The following KRT39 variants were observed in gnomAD, a reference collection of about 807,000 sequenced individuals.
The protein encoded by KRT39 is keratin, type I cytoskeletal 39.
A neutral mutation model predicts 54.8 loss-of-function variants in KRT39; 47 were observed. That is an observed-to-expected ratio of 0.86 (90% confidence interval 0.68 to 1.09). KRT39 has a LOEUF of 1.09. Among genes scored for constraint, KRT39 ranks in the 50% least tolerant of loss-of-function variants. The probability of loss-of-function intolerance (pLI) is 0.00; values close to 1 mark genes in which losing one functional copy is unlikely to be tolerated. For missense variants in KRT39, 580 were observed against 598.5 expected (o/e 0.97, Z 0.32); for synonymous variants, 207 against 227.9 (o/e 0.91, Z 0.83).
chr17:40,962,402 C>A lies in KRT39; in HGVS notation c.870G>T (p.Gln290His), dbSNP rs868415451. The A allele has an allele frequency of 6.2e-7, 1 of 1,614,024 alleles. No homozygotes were observed. Among genetic ancestry groups the A allele is most frequent in the Non-Finnish European group, 8.5e-7 (1 of 1,179,936 alleles). ...RKDVEQWFNT[Q>H]IEELNQQVVT... ...TTTTTGACTTTTCTATATCCCCCAC[C>A]TGCGTGTTGAACCACTGTTCCACAT... is the stretch of plus-strand genomic sequence containing the variant. The change falls in exon 4 of 7, where the codon CAG (glutamine) becomes CAT (histidine). Residue 290 changes from glutamine to histidine, a missense_variant and splice_region_variant. Physicochemically the swap from Gln to His is conservative, Grantham distance 24. Transcript: ENST00000355612.
chr17:40,962,144 G>C lies in KRT39; in HGVS notation c.996+18C>G, dbSNP rs1175822070. The C allele has an allele frequency of 6.2e-7, 1 of 1,613,010 alleles. No homozygotes were observed. The highest frequency in any genetic ancestry group is 8.5e-7 in the Non-Finnish European group (1 of 1,179,496). ...TTTCCATCTTTGCTGAGCTAGGCTTGGTCAGCTTGCTCAGTACCATTCGAT... is the reference window on the plus strand; with the variant it reads ...TTTCCATCTTTGCTGAGCTAGGCTTCGTCAGCTTGCTCAGTACCATTCGAT... On this transcript the variant is annotated intron_variant, in intron 5 of 6. Coordinates refer to ENST00000355612, the MANE Select transcript of KRT39 (RefSeq NM_213656.4).
At chr17:40,964,922 C>T (rs1170017893) in intron 1 of KRT39, among the ~76,000 whole-genome samples, 2 of 149,416 alleles carry the variant, frequency 1.3e-5, no homozygotes, top group East Asian at 4.0e-4. Context: ...ATTGGCCGGG[C>T]GCAGTGGCTC....
Position 40,958,681 on chromosome 17 carries a change from T to A in KRT39, c.1396A>T (p.Lys466Ter), listed in dbSNP as rs1258259486. ...ATGACCTTCCCATCCTTAATCTCCT[T>A]GGTGATGGTGCAAATTTTAACCAGT... ...RILVKICTIT[K>*]EIKDGKVISS... The change falls in exon 7 of 7, where the codon AAG becomes TAG. Residue 466 changes from lysine to a stop codon, truncating the protein, a stop_gained. Coordinates refer to ENST00000355612, the MANE Select transcript of KRT39 (RefSeq NM_213656.4). LOFTEE classifies it high-confidence loss of function. The A allele has an allele frequency of 1.2e-6, 2 of 1,614,072 alleles. No individual in the cohort carries two copies. Among genetic ancestry groups the A allele is most frequent in the Non-Finnish European group, 1.7e-6 (2 of 1,179,970 alleles).
chr17:40,965,136 G>A (rs1389410165), intron 1 of KRT39, among the ~76,000 whole-genome samples: 3 of 152,140 alleles, frequency 2.0e-5, no homozygotes, highest in East Asian at 1.9e-4. Flanking sequence ...CCCAGGAAGC[G>A]GAGCTAGCAG....
chr17:40,966,261 G>T (rs1911388189), intron 1 of KRT39, 128 bp downstream of exon 1: 4 of 698,746 alleles, frequency 5.7e-6, no homozygotes, highest in Non-Finnish European at 4.8e-6. Context: ...TTTCACTCAA[G>T]AAATTTTTCT....
intron 2 of KRT39, 177 bp downstream of exon 2, chr17:40,964,269 A>G (rs1911270384): frequency 1.6e-6 from 1 of 638,250 alleles, no homozygotes. Context: ...TAGGTACTGT[A>G]TACATGTGAG....
chr17:40,966,915 G>A lies in KRT39; in HGVS notation c.-59C>T. 8.1e-7 allele frequency: 1 copy of A among 1,238,186 alleles called. No individual in the cohort carries two copies. The highest frequency in any genetic ancestry group is 1.2e-6 in the Non-Finnish European group (1 of 848,598). The allele number at this position is 1,238,186 out of a possible 1,614,324, so 76.7% of individuals were successfully genotyped here. Reference sequence around the variant, plus strand: ...GTGGTCACCAGGATGAAAAGCTCAAGCCACCTCCACAGAGTCTGAATTCCA... The same window carrying A: ...GTGGTCACCAGGATGAAAAGCTCAAACCACCTCCACAGAGTCTGAATTCCA... On this transcript the variant is annotated 5_prime_UTR_variant, in exon 1 of 7. Transcript: ENST00000355612.
In KRT39 at chr17:40,966,661, A is replaced by G. The variant is rs768491412; in HGVS notation, c.196T>C (p.Cys66Arg). Residue 66 changes from cysteine (C) to arginine (R), a missense_variant, in exon 1 of 7, where the codon TGT (cysteine) becomes CGT (arginine). Cys to Arg is a radical substitution (Grantham distance 180). Transcript: ENST00000355612. ...DQGCQPTPRF[C>R]RKPIYLMNNF... is the part of the protein sequence containing the mutation. Reference sequence around the variant, plus strand: ...TTCATTAGGTAGATGGGCTTGCGACAAAAGCGAGGAGTGGGTTGGCAGCCC... The same window carrying G: ...TTCATTAGGTAGATGGGCTTGCGACGAAAGCGAGGAGTGGGTTGGCAGCCC... 5 of 1,614,242 alleles carry G rather than the reference A, an allele frequency of 3.1e-6. No individual in the cohort carries two copies. The highest frequency in any genetic ancestry group is 4.2e-6 in the Non-Finnish European group (5 of 1,180,040).
intron 3 of KRT39, among the ~76,000 whole-genome samples, chr17:40,962,901 G>T (rs2143618814): frequency 6.6e-6 from 1 of 152,298 alleles, no homozygotes; most frequent in South Asian, 2.1e-4. Flanking sequence ...GCAAATACGG[G>T]ATTGTGCCAA....
In KRT39 at chr17:40,961,189, TA is replaced by T. The variant is rs539724969; in HGVS notation, c.997-689del. ...CTTCATTCAGTGAGTGTTCGTGTCT[TA>T]AAAAAGGAAGGAAGCAATGTTTTAC... On this transcript the variant is annotated intron_variant, in intron 5 of 6. Transcript: ENST00000355612. Among the ~76,000 whole-genome samples the T allele has an allele frequency of 2.7e-3, 410 of 151,996 alleles. 3 individuals carry two copies. Among genetic ancestry groups the T allele is most frequent in the African/African-American group, 9.1e-3 (377 of 41,390 alleles).
At position 40,958,417 on chromosome 17, in the gene KRT39, T is replaced by C. The variant is rs978205227; in HGVS notation, c.*184A>G. Reference sequence around the variant, plus strand: ...TCCAGAGAAATGTAATTTATTATCATGTTAGCAGTGGTGAGTTAGGGAAGG... The same window carrying C: ...TCCAGAGAAATGTAATTTATTATCACGTTAGCAGTGGTGAGTTAGGGAAGG... On this transcript the variant is annotated 3_prime_UTR_variant, in exon 7 of 7. Transcript: ENST00000355612. 5.6e-6 allele frequency: 3 copies of C among 538,826 alleles called. No individual in the cohort carries two copies. The highest frequency in any genetic ancestry group is 3.2e-6 in the Non-Finnish European group (1 of 315,492). The allele number at this position is 538,826 out of a possible 1,614,324, so 33.4% of individuals were successfully genotyped here. A position where few individuals can be genotyped will look rare whatever the true frequency, so the allele number is the denominator to read the frequency against.
rs754220746 is a variant in KRT39 at position 40,962,405 on chromosome 17, C to A, written c.867G>T (p.Thr289=). 1.9e-6 allele frequency: 3 copies of A among 1,613,980 alleles called. No individual in the cohort carries two copies. The South Asian group carries it at 3.3e-5, about 18-fold the overall frequency. ...TTGACTTTTCTATATCCCCCACCTG[C>A]GTGTTGAACCACTGTTCCACATCTT... The part of the protein sequence containing the change: ...NRKDVEQWFN[T]QIEELNQQVV... Residue 289 remains threonine, a synonymous_variant, in exon 4 of 7, where the codon ACG becomes ACT. Transcript: ENST00000355612.
chr17:40,962,314 A>G, intron 4 of KRT39, 27 bp from the exon 5 acceptor site: 1 of 1,613,052 alleles, frequency 6.2e-7, no homozygotes, highest in Non-Finnish European at 8.5e-7. Flanking sequence ...GAGACTGAGA[A>G]TATTATGGGA....
chr17:40,959,435 T>G (rs1295993208), intron 6 of KRT39, among the ~76,000 whole-genome samples: 2 of 152,246 alleles, frequency 1.3e-5, no homozygotes, highest in Non-Finnish European at 2.9e-5. Context: ...TGTCTATGCA[T>G]AGTTTTTAGA....
Position 40,963,732 on chromosome 17 carries a change from G to A in KRT39, c.603C>T (p.Gly201=). ...LRQLVESDAN[G]LKQILNVLTL... ...TCAGCACATTCAGGATCTGCTTGAG[G>A]CCATTGGCATCTGACTCTACCAGCT... The change falls in exon 3 of 7, where the codon GGC becomes GGT. Residue 201 remains glycine (G), a synonymous_variant. Coordinates refer to ENST00000355612, the MANE Select transcript of KRT39 (RefSeq NM_213656.4). The A allele has an allele frequency of 1.2e-6, 2 of 1,608,658 alleles. No homozygotes were observed. Among genetic ancestry groups the A allele is most frequent in the Non-Finnish European group, 1.7e-6 (2 of 1,175,708 alleles).
chr17:40,962,033 A>G (rs1228310140), intron 5 of KRT39, 129 bp downstream of exon 5: 7 of 1,283,266 alleles, frequency 5.5e-6, no homozygotes, highest in African/African-American at 1.5e-5. Flanking sequence ...GCTCTTTTTC[A>G]GCCATAGACG....
chr17:40,962,649 CTTAA>C lies in KRT39; in HGVS notation c.709-90_709-87del, dbSNP rs1393775397. ...TTTCACTCTAACTGCTACGATTTAG[CTTAA>C]TTGTGTCTAAAATATAGCCCACAAC... On this transcript the variant is annotated intron_variant, in intron 3 of 6. Transcript: ENST00000355612. The C allele has an allele frequency of 1.9e-5, 22 of 1,156,216 alleles. No homozygotes were observed. In the Admixed American group the frequency reaches 4.4e-4, roughly 23 times the overall value. 71.6% of individuals were successfully genotyped at this position (1,156,216 alleles called of 1,614,324 possible).
Position 40,962,246 on chromosome 17 carries a change from C to G in KRT39, c.912G>C (p.Gln304His), listed in dbSNP as rs751712839. ...LNQQVVTSSQQQQCCQKEIIE... is the reference protein window; with the variant it reads ...LNQQVVTSSQHQQCCQKEIIE... ...TGATCTCCTTTTGGCAGCATTGCTG[C>G]TGTTGAGAGCTGGTCACCACTTGTT... The change falls in exon 5 of 7, where the codon CAG (glutamine) becomes CAC (histidine). Residue 304 changes from glutamine (Q) to histidine (H), a missense_variant. Gln to His is a conservative substitution (Grantham distance 24). Coordinates refer to ENST00000355612, the MANE Select transcript of KRT39 (RefSeq NM_213656.4). 6.2e-7 allele frequency: 1 copy of G among 1,614,224 alleles called. No individual in the cohort carries two copies. The highest frequency in any genetic ancestry group is 1.1e-5 in the South Asian group (1 of 91,090).
chr17:40,962,336 C>T (rs776323599), intron 4 of KRT39, 49 bp from the exon 5 acceptor site: 1 of 1,612,034 alleles, frequency 6.2e-7, no homozygotes, highest in Non-Finnish European at 8.5e-7. Context: ...GAAAACATGA[C>T]TTTGATTAAA....
Sources: gnomAD v4.1 joint callset for allele counts (sites outside exome capture counted in the v4.1 genomes callset) on GRCh38, gnomAD v4.1.1 for gene constraint, MANE v1.5 for transcripts, NCBI Gene and HGNC (gene_info 2026-07-23, HGNC 2026-07-21) for gene names.